Variants in NXN observed in about 807,000 individuals in gnomAD.
The protein encoded by NXN is nucleoredoxin, also known as nucleoredoxin 1.
Under a neutral mutation model 48.6 loss-of-function variants are expected in NXN, and 16 were observed. The observed-to-expected ratio is 0.33, with a 90% confidence interval of 0.22 to 0.50. NXN has a LOEUF of 0.50. Among genes scored for constraint, NXN ranks in the 20% least tolerant of loss-of-function variants. The pLI is 0.98. For missense variants in NXN, 492 were observed against 605.5 expected, an observed-to-expected ratio of 0.81 and a Z score of 1.97; for synonymous variants, 281 against 269.6, an observed-to-expected ratio of 1.04 and a Z score of -0.41.
chr17:853,273 G>A (rs1418847134), intron 1 of NXN, among the ~76,000 whole-genome samples: 1 of 152,022 alleles, frequency 6.6e-6, no homozygotes, highest in Non-Finnish European at 1.5e-5. Flanking sequence ...GTGAAACCTC[G>A]TCTCTACCAA....
intron 1 of NXN, among the ~76,000 whole-genome samples, chr17:960,491 G>A (rs1397616783): frequency 6.6e-6 from 1 of 151,294 alleles, no homozygotes; most frequent in African/African-American, 2.4e-5. Flanking sequence ...CTACAGGTGT[G>A]CACCAACATG....
At chr17:971,666 C>T (rs1003488384) in intron 1 of NXN, among the ~76,000 whole-genome samples, 7 of 151,558 alleles carry the variant, frequency 4.6e-5, no homozygotes, top group Admixed American at 1.3e-4. Context: ...GCCGAGATCG[C>T]GCCACTGCAC....
At chr17:886,184 G>C (rs1041502669) in intron 1 of NXN, among the ~76,000 whole-genome samples, 2 of 152,042 alleles carry the variant, frequency 1.3e-5, no homozygotes, top group Non-Finnish European at 2.9e-5. Flanking sequence ...GCAGCTCCCA[G>C]GTCCCCAGTG....
At chr17:835,263 GTGC>G (rs1913744740) in intron 1 of NXN, among the ~76,000 whole-genome samples, 3 of 149,852 alleles carry the variant, frequency 2.0e-5, no homozygotes, top group Non-Finnish European at 4.4e-5. Flanking sequence ...AGCTGAGATC[GTGC>G]CACTGCACTC....
chr17:911,058 G>C (rs1348928703), intron 1 of NXN: 13 of 151,866 alleles, frequency 8.6e-5, no homozygotes, highest in Admixed American at 8.5e-4. Context: ...CCTCTCAAAG[G>C]ACTCCAAGTT....
chr17:861,048 G>C (rs900420295), intron 1 of NXN, among the ~76,000 whole-genome samples: 3 of 152,192 alleles, frequency 2.0e-5, no homozygotes, highest in African/African-American at 7.2e-5. Context: ...ATACGGACTG[G>C]GGAAGTAAGG....
intron 1 of NXN, among the ~76,000 whole-genome samples, chr17:927,828 A>G (rs1452629982): frequency 6.6e-6 from 1 of 152,108 alleles, no homozygotes; most frequent in Non-Finnish European, 1.5e-5. Flanking sequence ...TCCTAGAGAC[A>G]GCCGTGCCCA....
At chr17:915,333 G>A (rs1344135672) in intron 1 of NXN, among the ~76,000 whole-genome samples, 4 of 152,006 alleles carry the variant, frequency 2.6e-5, no homozygotes, top group East Asian at 1.9e-4. Flanking sequence ...TCACTCTGTC[G>A]CCCAGGCTGG....
At chr17:915,639 T>C (rs1026500119) in intron 1 of NXN, among the ~76,000 whole-genome samples, 1 of 152,158 alleles carries the variant, frequency 6.6e-6, no homozygotes, top group Non-Finnish European at 1.5e-5. Flanking sequence ...GAGTACATAG[T>C]GTAACGCTTC....
intron 5 of NXN, among the ~76,000 whole-genome samples, chr17:816,620 A>G (rs1412350474): frequency 6.6e-6 from 1 of 152,116 alleles, no homozygotes; most frequent in Non-Finnish European, 1.5e-5. Context: ...AGTTCAACTG[A>G]CATCCATCTG....
At chr17:904,505 A>G (rs1445180094) in intron 1 of NXN, among the ~76,000 whole-genome samples, 1 of 152,074 alleles carries the variant, frequency 6.6e-6, no homozygotes, top group Non-Finnish European at 1.5e-5. Context: ...ACACATTCCC[A>G]TCAGTAACAG....
At chr17:961,322 T>A (rs1186128803) in intron 1 of NXN, among the ~76,000 whole-genome samples, 2 of 151,596 alleles carry the variant, frequency 1.3e-5, no homozygotes, top group East Asian at 3.9e-4. Context: ...GAGGCAGAGG[T>A]TGCAGTGAGC....
At chr17:946,007 C>T (rs542714441) in intron 1 of NXN, among the ~76,000 whole-genome samples, 86 of 152,140 alleles carry the variant, frequency 5.7e-4, no homozygotes, top group South Asian at 1.2e-3. Context: ...TTCTTGGCTG[C>T]CAGAGACCCT....
chr17:937,732 T>C (rs1244734350), intron 1 of NXN, among the ~76,000 whole-genome samples: 1 of 152,092 alleles, frequency 6.6e-6, no homozygotes, highest in Non-Finnish European at 1.5e-5. Context: ...CCACAACAGG[T>C]CACGCTGTCA....
intron 1 of NXN, among the ~76,000 whole-genome samples, chr17:861,336 G>A (rs1451828348): frequency 6.6e-6 from 1 of 151,920 alleles, no homozygotes; most frequent in Non-Finnish European, 1.5e-5. Flanking sequence ...GTTTCACCAT[G>A]TTGGCCAGGC....
intron 1 of NXN, among the ~76,000 whole-genome samples, chr17:835,247 G>A (rs1349431979): frequency 2.0e-5 from 3 of 150,946 alleles, no homozygotes; most frequent in Non-Finnish European, 2.9e-5. Flanking sequence ...GGCGGAGCTT[G>A]CAGTGAGCTG....
Position 919,286 on chromosome 17 carries a change from T to C in NXN, c.360+60033A>G, listed in dbSNP as rs968030516. 1.3e-4 allele frequency among the ~76,000 whole-genome samples: 20 copies of C among 151,516 alleles called. No individual in the cohort carries two copies. Among genetic ancestry groups the C allele is most frequent in the Non-Finnish European group, 2.5e-4 (17 of 67,856 alleles). On this transcript the variant is annotated intron_variant, in intron 1 of 7. Transcript: ENST00000336868. This position sits in a 1 kb window ranked among gnomAD's most constrained non-coding sequence, Gnocchi z 5.1. ...GCTGAAGCAGGAGAATAGCTTGAACTAGGGAGGCAGAGGTTGCAGTGAGCC... is the reference window on the plus strand; with the variant it reads ...GCTGAAGCAGGAGAATAGCTTGAACCAGGGAGGCAGAGGTTGCAGTGAGCC...
intron 1 of NXN, among the ~76,000 whole-genome samples, chr17:873,126 C>T (rs960692972): frequency 6.6e-6 from 1 of 152,176 alleles, no homozygotes; most frequent in African/African-American, 2.4e-5. Context: ...ACCATCAGTT[C>T]TCCTGGGTCT....
chr17:948,136 A>G (rs1276873146), intron 1 of NXN, among the ~76,000 whole-genome samples: 1 of 152,108 alleles, frequency 6.6e-6, no homozygotes, highest in Non-Finnish European at 1.5e-5. Flanking sequence ...ACACAGCATA[A>G]CGACTATTTA....
Sources: gnomAD v4.1 joint callset for allele counts (sites outside exome capture counted in the v4.1 genomes callset) on GRCh38, gnomAD v4.1.1 for gene constraint, Gnocchi (gnomAD v3.1) non-coding constraint, MANE v1.5 for transcripts, NCBI Gene and HGNC (gene_info 2026-07-23, HGNC 2026-07-21) for gene names.